Variants in NRCAM observed in about 807,000 individuals in gnomAD.
NRCAM encodes the protein neuronal cell adhesion molecule.
Under a neutral mutation model 156.5 loss-of-function variants are expected in NRCAM, and 83 were observed. The observed-to-expected ratio is 0.53, with a 90% confidence interval of 0.44 to 0.64. The LOEUF is 0.64. NRCAM is among the 30% of genes least tolerant of loss of function. The probability of loss-of-function intolerance (pLI) is 0.00; values close to 1 mark genes in which losing one functional copy is unlikely to be tolerated. For missense variants in NRCAM, 1,417 were observed against 1,597.3 expected, an observed-to-expected ratio of 0.89 and a Z score of 1.92; for synonymous variants, 538 against 563.9, an observed-to-expected ratio of 0.95 and a Z score of 0.65.
At chr7:108,233,232 A>G (rs2094526873) in intron 6 of NRCAM, among the ~76,000 whole-genome samples, 1 of 152,184 alleles carries the variant, frequency 6.6e-6, no homozygotes, top group African/African-American at 2.4e-5. Context: ...ATACTTTACA[A>G]CTAGTCACAA....
intron 28 of NRCAM, among the ~76,000 whole-genome samples, chr7:108,172,381 T>A (rs2058793464): frequency 6.6e-6 from 1 of 152,144 alleles, no homozygotes. Flanking sequence ...CTGCAGCCTC[T>A]GCCTCCTGGG....
chr7:108,274,177 G>A (rs1476804716), intron 3 of NRCAM, among the ~76,000 whole-genome samples: 1 of 152,148 alleles, frequency 6.6e-6, no homozygotes, highest in Non-Finnish European at 1.5e-5. Context: ...GTAGCGTGAT[G>A]CCTCCAGCTT....
At chr7:108,306,954 G>A (rs938939282) in intron 3 of NRCAM, among the ~76,000 whole-genome samples, 27 of 152,268 alleles carry the variant, frequency 1.8e-4, no homozygotes, top group African/African-American at 6.5e-4. Context: ...AAATCCCTGG[G>A]TGGGATTATG....
chr7:108,368,224 A>ACCCCCCCCCCCCCCCCCCCCCCCCCCCCC (rs67897117), intron 2 of NRCAM, among the ~76,000 whole-genome samples: 12 of 91,040 alleles, frequency 1.3e-4, no homozygotes, highest in Non-Finnish European at 1.8e-4. Context: ...ACACTTTCAT[A>ACCCCCCCCCCCCCCCCCCCCCCCCCCCCC]CCCCCCCCCA....
At chr7:108,244,834 A>G (rs1035069220) in intron 3 of NRCAM, among the ~76,000 whole-genome samples, 6 of 152,322 alleles carry the variant, frequency 3.9e-5, no homozygotes, top group Admixed American at 3.3e-4. Flanking sequence ...TTTTACCCCA[A>G]TAACAGATAA....
chr7:108,243,513 T>C (rs932669381), intron 3 of NRCAM, among the ~76,000 whole-genome samples: 3 of 152,220 alleles, frequency 2.0e-5, no homozygotes, highest in African/African-American at 7.2e-5. Flanking sequence ...GTGAGAATCA[T>C]GAACTAAAAC....
chr7:108,416,088 G>A lies in NRCAM; in HGVS notation c.-331-16495C>T, dbSNP rs536232686. On this transcript the variant is annotated intron_variant, in intron 1 of 32. Coordinates refer to ENST00000379028, the MANE Select transcript of NRCAM (RefSeq NM_001037132.4). ...TTCACTTGCTTCTTCCAGTCCAGAA[G>A]AGTGATTCTTCCATGACAGAACGGG... Among the ~76,000 whole-genome samples, 20 of 152,304 alleles carry A rather than the reference G, an allele frequency of 1.3e-4. No individual in the cohort carries two copies. In the South Asian group the frequency reaches 4.1e-3, roughly 32 times the overall value.
At position 108,371,618 on chromosome 7, in the gene NRCAM, C is replaced by T. The variant is rs927593250; in HGVS notation, c.-174+27818G>A. ...TTATTAACAACTATGTGTTGAATATCTCTAGGTGTAAGGCACTAGAATTGC... is the reference window on the plus strand; with the variant it reads ...TTATTAACAACTATGTGTTGAATATTTCTAGGTGTAAGGCACTAGAATTGC... On this transcript the variant is annotated intron_variant, in intron 2 of 32. Coordinates refer to ENST00000379028, the MANE Select transcript of NRCAM (RefSeq NM_001037132.4). Among the ~76,000 whole-genome samples, 13 of 152,216 alleles carry T rather than the reference C, an allele frequency of 8.5e-5. No individual in the cohort carries two copies. In the East Asian group the frequency reaches 2.3e-3, roughly 27 times the overall value.
intron 3 of NRCAM, among the ~76,000 whole-genome samples, chr7:108,267,326 A>G (rs889701027): frequency 1.3e-5 from 2 of 152,168 alleles, no homozygotes; most frequent in African/African-American, 4.8e-5. Context: ...GAATCCTTTG[A>G]TTTTGCTGTT....
chr7:108,356,619 A>T (rs2099500838), intron 2 of NRCAM, among the ~76,000 whole-genome samples: 1 of 152,172 alleles, frequency 6.6e-6, no homozygotes, highest in Admixed American at 6.5e-5. Flanking sequence ...TTAAGAAAAT[A>T]ATTATTACAG....
chr7:108,420,366 C>G (rs1807792762), intron 1 of NRCAM, among the ~76,000 whole-genome samples: 1 of 152,116 alleles, frequency 6.6e-6, no homozygotes, highest in Admixed American at 6.6e-5. Context: ...ACAGTGAGCA[C>G]TACTTTGCTA....
At chr7:108,276,552 T>C (rs112469799) in intron 3 of NRCAM, among the ~76,000 whole-genome samples, 6,442 of 151,950 alleles carry the variant, frequency 0.042, 180 homozygotes, top group South Asian at 0.11. Context: ...ACTAAGATTG[T>C]AACTCCTGCT....
intron 2 of NRCAM, among the ~76,000 whole-genome samples, chr7:108,368,665 T>C (rs954737862): frequency 2.0e-5 from 3 of 152,208 alleles, no homozygotes; most frequent in African/African-American, 4.8e-5. Flanking sequence ...TTCGTGTTCA[T>C]TGTAGTGCCA....
chr7:108,153,349 T>C (rs1205690998), intron 32 of NRCAM, among the ~76,000 whole-genome samples: 1 of 152,120 alleles, frequency 6.6e-6, no homozygotes, highest in African/African-American at 2.4e-5. Context: ...AAAAATATGA[T>C]AATCTCAGTA....
At chr7:108,384,390 A>G (rs775035537) in intron 2 of NRCAM, among the ~76,000 whole-genome samples, 7 of 152,168 alleles carry the variant, frequency 4.6e-5, no homozygotes, top group Non-Finnish European at 8.8e-5. Context: ...GTTGAAGGGC[A>G]CAAGATGGGA....
rs769347461 is a variant in NRCAM at position 108,166,969 on chromosome 7, C to T, written c.3418G>A (p.Gly1140Arg). 7 of 1,613,820 alleles carry T rather than the reference C, an allele frequency of 4.3e-6. No homozygotes were observed. Among genetic ancestry groups the T allele is most frequent in the Admixed American group, 1.7e-5 (1 of 59,996 alleles). ...TAYKVRVGAV[G>R]DSGFVSSEDV... is the part of the protein sequence containing the mutation. The stretch of plus-strand genomic sequence containing the variant: ...TCTGAACTCACAAAACCAGAGTCCC[C>T]CACAGCACCAACTCGAACTTTGTAT... Residue 1140 changes from glycine to arginine, a missense_variant, in exon 30 of 33, where the codon GGG (glycine) becomes AGG (arginine). Transcript: ENST00000379028.
chr7:108,366,643 A>G (rs1451555974), intron 2 of NRCAM, among the ~76,000 whole-genome samples: 3 of 152,206 alleles, frequency 2.0e-5, no homozygotes, highest in African/African-American at 7.2e-5. Flanking sequence ...AAAGAAAAGC[A>G]TGCAAAGACT....
intron 2 of NRCAM, among the ~76,000 whole-genome samples, chr7:108,317,652 G>A (rs1194243273): frequency 6.6e-6 from 1 of 152,176 alleles, no homozygotes; most frequent in African/African-American, 2.4e-5. Context: ...GCTCACGCCT[G>A]TAATCCTAGC....
chr7:108,348,049 C>T (rs1454337401), intron 2 of NRCAM, among the ~76,000 whole-genome samples: 2 of 152,230 alleles, frequency 1.3e-5, no homozygotes, highest in African/African-American at 4.8e-5. Context: ...ATTCTGTATT[C>T]ATCTTTGTGC....
Sources: allele counts gnomAD v4.1 joint callset (sites outside exome capture counted in the v4.1 genomes callset), GRCh38; gene constraint gnomAD v4.1.1; transcripts MANE v1.5; gene names NCBI Gene and HGNC (gene_info 2026-07-23, HGNC 2026-07-21).